LYPD6B: variants seen among roughly 807,000 people sequenced by gnomAD.
LYPD6B encodes the protein LY6/PLAUR domain containing 6B, also known as ly6/PLAUR domain-containing protein 6B.
A neutral mutation model predicts 22.8 loss-of-function variants in LYPD6B; 17 were observed. The observed-to-expected ratio is 0.75, with a 90% CI of 0.51 to 1.12. The LOEUF (loss-of-function observed/expected upper bound fraction) is 1.12, where lower values mean the gene tolerates loss of function less well. LYPD6B is among the 50% of genes most tolerant of loss of function. The pLI is 0.00. For missense variants in LYPD6B, 221 were observed against 258.3 expected, an observed-to-expected ratio of 0.86 and a Z score of 0.99; for synonymous variants, 106 against 91.6, an observed-to-expected ratio of 1.16 and a Z score of -0.90.
Position 149,072,306 on chromosome 2 carries a change from A to T in LYPD6B, c.-67+33505A>T, listed in dbSNP as rs1212812339. ...TGTAATAAATGCTATGAAGGATAAC[A>T]CAGGAATGGGAGAATGCTAGGGTGG... is the stretch of plus-strand genomic sequence containing the variant. On this transcript the variant is annotated intron_variant, in intron 1 of 6. Coordinates refer to ENST00000409642, the MANE Select transcript of LYPD6B (RefSeq NM_177964.5). 2.6e-5 allele frequency among the ~76,000 whole-genome samples: 4 copies of T among 151,132 alleles called. No individual in the cohort carries two copies. In the South Asian group the frequency reaches 8.3e-4, roughly 32 times the overall value.
intron 2 of LYPD6B, among the ~76,000 whole-genome samples, chr2:149,134,987 G>A (rs1688267248): frequency 6.6e-6 from 1 of 152,214 alleles, no homozygotes; most frequent in Non-Finnish European, 1.5e-5. Flanking sequence ...GCTTATGCCT[G>A]TAATCCCAGC....
intron 1 of LYPD6B, among the ~76,000 whole-genome samples, chr2:149,058,047 T>G (rs1574888281): frequency 6.6e-6 from 1 of 152,238 alleles, no homozygotes; most frequent in East Asian, 1.9e-4. Context: ...GCATTTCGAC[T>G]GGCAGCCAGG....
intron 5 of LYPD6B, among the ~76,000 whole-genome samples, chr2:149,210,552 T>A (rs1693781256): frequency 6.6e-6 from 1 of 152,276 alleles, no homozygotes; most frequent in Non-Finnish European, 1.5e-5. Context: ...CAAATAGGCC[T>A]ACGGCTATTG....
intron 1 of LYPD6B, among the ~76,000 whole-genome samples, chr2:149,060,968 A>T (rs1228557623): frequency 6.6e-6 from 1 of 152,168 alleles, no homozygotes; most frequent in Non-Finnish European, 1.5e-5. Flanking sequence ...ACCTTCCTAC[A>T]GTCATTTAGA....
chr2:149,071,651 G>A (rs1220996106), intron 1 of LYPD6B, among the ~76,000 whole-genome samples: 1 of 152,168 alleles, frequency 6.6e-6, no homozygotes, highest in African/African-American at 2.4e-5. Flanking sequence ...CACTGTCCTA[G>A]TACTTTTCTA....
intron 1 of LYPD6B, among the ~76,000 whole-genome samples, chr2:149,058,465 G>T (rs1187741762): frequency 1.3e-5 from 2 of 152,110 alleles, no homozygotes; most frequent in Non-Finnish European, 2.9e-5. Context: ...ATTATTCTGG[G>T]GCTCCCCATC....
At chr2:149,197,182 T>C (rs1292812494) in intron 3 of LYPD6B, among the ~76,000 whole-genome samples, 5 of 152,226 alleles carry the variant, frequency 3.3e-5, no homozygotes, top group Admixed American at 3.3e-4. Context: ...AGGGTCTGTA[T>C]AGAATTACCT....
chr2:149,089,530 G>GGACAAAAGC (rs1685551098), intron 1 of LYPD6B, among the ~76,000 whole-genome samples: 1 of 152,088 alleles, frequency 6.6e-6, no homozygotes, highest in Admixed American at 6.5e-5. Context: ...CTGTAAAATA[G>GGACAAAAGC]TTAAAATACT....
chr2:149,099,625 T>C (rs937626041), intron 1 of LYPD6B, among the ~76,000 whole-genome samples: 36 of 152,292 alleles, frequency 2.4e-4, no homozygotes, highest in African/African-American at 8.7e-4. Context: ...TAGGTCTGTC[T>C]TCGGCCTCCA....
chr2:149,201,014 GA>G (rs1327403279), intron 3 of LYPD6B, among the ~76,000 whole-genome samples: 1 of 152,186 alleles, frequency 6.6e-6, no homozygotes, highest in African/African-American at 2.4e-5. Flanking sequence ...TCTGTGTTGG[GA>G]AAAATGTTTT....
intron 1 of LYPD6B, among the ~76,000 whole-genome samples, chr2:149,113,382 A>G (rs975739909): frequency 1.8e-4 from 28 of 152,280 alleles, no homozygotes; most frequent in African/African-American, 6.7e-4. Flanking sequence ...CTTGTGTTTT[A>G]TGATGGGGAA....
intron 1 of LYPD6B, among the ~76,000 whole-genome samples, chr2:149,094,260 T>C (rs1348261389): frequency 6.6e-6 from 1 of 152,258 alleles, no homozygotes; most frequent in Non-Finnish European, 1.5e-5. Context: ...CATGCAATTT[T>C]ACTAAATAAA....
chr2:149,158,677 T>G (rs1689857989), intron 2 of LYPD6B, among the ~76,000 whole-genome samples: 1 of 152,230 alleles, frequency 6.6e-6, no homozygotes, highest in Non-Finnish European at 1.5e-5. Context: ...TGATAAACTT[T>G]TCATTATGCT....
At chr2:149,143,917 T>C (rs1236377983) in intron 2 of LYPD6B, 1 of 152,198 alleles carries the variant, frequency 6.6e-6, no homozygotes, top group Non-Finnish European at 1.5e-5. Flanking sequence ...TTTCTAAGTC[T>C]CTCAAGCCAG....
At position 149,199,451 on chromosome 2, in the gene LYPD6B, C is replaced by T. The variant is rs146368633; in HGVS notation, c.78-5802C>T. ...CCAATAATTTTTGAGCGCACAAGGA[C>T]GGTGTGCTCAGTACAGTACCTGGTA... On this transcript the variant is annotated intron_variant, in intron 3 of 6. Transcript: ENST00000409642. Among the ~76,000 whole-genome samples the T allele has an allele frequency of 1.2e-3, 189 of 152,272 alleles. 2 individuals are homozygous for T. The highest frequency in any genetic ancestry group is 6.8e-3 in the Middle Eastern group (2 of 294).
chr2:149,197,494 G>C (rs1447329838), intron 3 of LYPD6B, among the ~76,000 whole-genome samples: 1 of 152,204 alleles, frequency 6.6e-6, no homozygotes, highest in Non-Finnish European at 1.5e-5. Flanking sequence ...CCTGATGATA[G>C]AGCGAGACTC....
chr2:149,203,647 A>G (rs946509799), intron 3 of LYPD6B, among the ~76,000 whole-genome samples: 2 of 152,264 alleles, frequency 1.3e-5, no homozygotes, highest in African/African-American at 4.8e-5. Context: ...AGGTATGATT[A>G]TGTACATGAG....
chr2:149,087,532 C>T (rs1314813282), intron 1 of LYPD6B, among the ~76,000 whole-genome samples: 1 of 152,102 alleles, frequency 6.6e-6, no homozygotes, highest in South Asian at 2.1e-4. Context: ...TGTCGCCGCA[C>T]TCTAGCCTGG....
chr2:149,153,604 G>T (rs1227512224), intron 2 of LYPD6B, among the ~76,000 whole-genome samples: 2 of 151,972 alleles, frequency 1.3e-5, no homozygotes, highest in African/African-American at 4.8e-5. Flanking sequence ...ATGAAACACG[G>T]TCTCTACTAA....
Sources: allele counts gnomAD v4.1 joint callset (sites outside exome capture counted in the v4.1 genomes callset), GRCh38; gene constraint gnomAD v4.1.1; transcripts MANE v1.5; gene names NCBI Gene and HGNC (gene_info 2026-07-23, HGNC 2026-07-21).